FAM117B: variants seen among roughly 807,000 people sequenced by gnomAD.
FAM117B encodes protein FAM117B.
In FAM117B, 22 loss-of-function variants were observed where a neutral mutation model predicts 52.8. The observed-to-expected ratio is 0.42, with a 90% CI of 0.30 to 0.59. FAM117B has a LOEUF of 0.59. Ranked by LOEUF, FAM117B falls within the 20% of genes least tolerant of loss-of-function variation. FAM117B has a pLI of 0.22. For synonymous variants in FAM117B, 309 were observed against 324.1 expected, an observed-to-expected ratio of 0.95 and a Z score of 0.50; for missense variants, 678 against 802.6, an observed-to-expected ratio of 0.84 and a Z score of 1.88.
chr2:202,697,802 G>T (rs1005790507), intron 2 of FAM117B, among the ~76,000 whole-genome samples: 1 of 151,748 alleles, frequency 6.6e-6, no homozygotes, highest in Non-Finnish European at 1.5e-5. Flanking sequence ...TGCCTACCTC[G>T]GCCTCCCAAA....
intron 1 of FAM117B, among the ~76,000 whole-genome samples, chr2:202,684,347 A>G (rs1290804127): frequency 6.6e-6 from 1 of 152,202 alleles, no homozygotes; most frequent in Non-Finnish European, 1.5e-5. Flanking sequence ...CCACTAGCTA[A>G]AAGTTATTTG....
intron 1 of FAM117B, among the ~76,000 whole-genome samples, chr2:202,652,657 G>C (rs1050880385): frequency 3.9e-5 from 6 of 152,094 alleles, no homozygotes; most frequent in Admixed American, 3.9e-4. Context: ...TTGGGTGATT[G>C]GTAGAGTAGA....
At chr2:202,636,547 G>A (rs1689689727) in intron 1 of FAM117B, among the ~76,000 whole-genome samples, 1 of 152,220 alleles carries the variant, frequency 6.6e-6, no homozygotes, top group Non-Finnish European at 1.5e-5. Context: ...CTTTCTTGGG[G>A]AAGGTCCTGA....
intron 2 of FAM117B, among the ~76,000 whole-genome samples, chr2:202,723,824 A>G (rs1206360729): frequency 6.6e-6 from 1 of 152,140 alleles, no homozygotes; most frequent in African/African-American, 2.4e-5. Flanking sequence ...CGCATTTATA[A>G]CTTTGACAGC....
rs149229610 is a variant in FAM117B at position 202,709,968 on chromosome 2, A to G, written c.753+13936A>G. Among the ~76,000 whole-genome samples the G allele has an allele frequency of 1.2e-3, 179 of 152,304 alleles. 1 individual carries two copies. Among genetic ancestry groups the G allele is most frequent in the African/African-American group, 4.2e-3 (174 of 41,558 alleles). On this transcript the variant is annotated intron_variant, in intron 2 of 7. Coordinates refer to ENST00000392238, the MANE Select transcript of FAM117B (RefSeq NM_173511.4). Reference sequence around the variant, plus strand: ...GTGTGGATTTATTTATGGGCTGTCTATACTGTCCCATTGATGTATGTCTTA... The same window carrying G: ...GTGTGGATTTATTTATGGGCTGTCTGTACTGTCCCATTGATGTATGTCTTA...
chr2:202,669,789 C>T (rs1180151201), intron 1 of FAM117B, among the ~76,000 whole-genome samples: 2 of 152,108 alleles, frequency 1.3e-5, no homozygotes, highest in African/African-American at 2.4e-5. Context: ...TATTAAAGCA[C>T]TAATTTGCTT....
chr2:202,746,968 A>C (rs563022521), intron 4 of FAM117B, among the ~76,000 whole-genome samples: 3 of 151,906 alleles, frequency 2.0e-5, no homozygotes, highest in East Asian at 1.9e-4. Context: ...CAAAACAAAA[A>C]AAAACACAAA....
In FAM117B at chr2:202,635,184, G is replaced by T; in HGVS notation, c.-4G>T. 2.3e-6 allele frequency: 3 copies of T among 1,278,700 alleles called. No homozygotes were observed. The highest frequency in any genetic ancestry group is 2.5e-5 in the South Asian group (1 of 40,492). 79.2% of individuals were successfully genotyped at this position (1,278,700 alleles called of 1,614,324 possible). A position where few individuals can be genotyped will look rare whatever the true frequency, so the allele number is the denominator to read the frequency against. ...TCGCCCAGTCACCGGGGAGGGGGGG[G>T]ACCATGTCCCAGCGGGTGAGGCGCA... On this transcript the variant is annotated 5_prime_UTR_variant, in exon 1 of 8. Transcript: ENST00000392238.
chr2:202,713,311 G>T (rs1340779160), intron 2 of FAM117B, among the ~76,000 whole-genome samples: 1 of 152,088 alleles, frequency 6.6e-6, no homozygotes, highest in Non-Finnish European at 1.5e-5. Context: ...ACAACGTATT[G>T]GCATATAGTT....
At chr2:202,674,557 C>T (rs538709860) in intron 1 of FAM117B, among the ~76,000 whole-genome samples, 1 of 152,340 alleles carries the variant, frequency 6.6e-6, no homozygotes, top group East Asian at 1.9e-4. Flanking sequence ...AGAAATACCC[C>T]TAGGAGGACC....
At chr2:202,653,947 C>G (rs1471652244) in intron 1 of FAM117B, among the ~76,000 whole-genome samples, 1 of 151,992 alleles carries the variant, frequency 6.6e-6, no homozygotes. Context: ...CCGTACTATT[C>G]AACCTTTTCT....
intron 1 of FAM117B, among the ~76,000 whole-genome samples, chr2:202,647,193 T>C (rs1452150956): frequency 6.6e-6 from 1 of 152,154 alleles, no homozygotes; most frequent in Non-Finnish European, 1.5e-5. Context: ...TTTATAATGT[T>C]TATAGTAAAA....
chr2:202,655,392 T>G (rs1359980128), intron 1 of FAM117B, among the ~76,000 whole-genome samples: 1 of 152,160 alleles, frequency 6.6e-6, no homozygotes, highest in African/African-American at 2.4e-5. Flanking sequence ...AAACCTAAGA[T>G]TGGGGTTTCT....
chr2:202,691,016 G>A (rs1194626764), intron 1 of FAM117B, among the ~76,000 whole-genome samples: 1 of 152,118 alleles, frequency 6.6e-6, no homozygotes, highest in Non-Finnish European at 1.5e-5. Flanking sequence ...TGGCTCACAG[G>A]CCCTTACTGT....
intron 4 of FAM117B, among the ~76,000 whole-genome samples, chr2:202,745,717 T>TA (rs1691621150): frequency 6.6e-6 from 1 of 152,162 alleles, no homozygotes; most frequent in Admixed American, 6.5e-5. Flanking sequence ...ACTTCCCCTG[T>TA]AAAAACACAT....
intron 4 of FAM117B, among the ~76,000 whole-genome samples, chr2:202,727,406 A>G (rs931189815): frequency 6.6e-6 from 1 of 152,176 alleles, no homozygotes; most frequent in Non-Finnish European, 1.5e-5. Flanking sequence ...TTGTGCCACA[A>G]AAATATACAT....
At position 202,682,902 on chromosome 2, in the gene FAM117B, TATA is replaced by T. The variant is rs149798483; in HGVS notation, c.602-12977_602-12975del. ...GTTAAAACGTGTAGAAGAAAATGTT[TATA>T]AATGATTATAGTAGGAAGAAAGGTC... is the stretch of plus-strand genomic sequence containing the variant. On this transcript the variant is annotated intron_variant, in intron 1 of 7. Transcript: ENST00000392238. Among the ~76,000 whole-genome samples, 1,029 of 152,358 alleles carry T rather than the reference TATA, an allele frequency of 6.8e-3. 15 individuals carry two copies. Among genetic ancestry groups the T allele is most frequent in the African/African-American group, 0.022 (900 of 41,578 alleles).
In FAM117B at chr2:202,677,433, G is replaced by A. The variant is rs546960226; in HGVS notation, c.602-18448G>A. 3.3e-5 allele frequency among the ~76,000 whole-genome samples: 5 copies of A among 152,324 alleles called. No individual in the cohort carries two copies. The East Asian group carries it at 9.6e-4, about 29-fold the overall frequency. On this transcript the variant is annotated intron_variant, in intron 1 of 7. Transcript: ENST00000392238. ...TTCTTCTTGCTGCTTATAGTAAAAT[G>A]CAGGAGGTGCCCTGTGAGTTTTCCT...
chr2:202,713,899 G>T (rs1015014928), intron 2 of FAM117B, among the ~76,000 whole-genome samples: 1 of 152,122 alleles, frequency 6.6e-6, no homozygotes, highest in Non-Finnish European at 1.5e-5. Flanking sequence ...TAGAGATGAG[G>T]TTTCACCATG....
Sources: allele counts gnomAD v4.1 joint callset (sites outside exome capture counted in the v4.1 genomes callset), GRCh38; gene constraint gnomAD v4.1.1; transcripts MANE v1.5; gene names NCBI Gene and HGNC (gene_info 2026-07-23, HGNC 2026-07-21).